NBPF14: variants seen among roughly 807,000 people sequenced by gnomAD.
The protein encoded by NBPF14 is NBPF member 14, also known as NBPF family member NBPF14.
A neutral mutation model predicts 91.2 loss-of-function variants in NBPF14; 104 were observed. The ratio of observed to expected loss-of-function variants is 1.14; its 90% CI spans 0.97 to 1.34. The LOEUF is 1.34. Ranked by LOEUF, NBPF14 falls within the 40% of genes most tolerant of loss-of-function variation. The pLI is 0.00. For missense variants in NBPF14, 908 were observed against 783.0 expected, an observed-to-expected ratio of 1.16 and a Z score of -1.91; for synonymous variants, 294 against 303.8, an observed-to-expected ratio of 0.97 and a Z score of 0.34.
Position 148,595,251 on chromosome 1 carries a change from A to C in NBPF14, c.175+292T>G, listed in dbSNP as rs1476513008. Among the ~76,000 whole-genome samples the C allele has an allele frequency of 6.2e-3, 920 of 148,170 alleles. 78 individuals carry two copies. Among genetic ancestry groups the C allele is most frequent in the African/African-American group, 0.022 (880 of 40,242 alleles). On this transcript the variant is annotated intron_variant, in intron 2 of 70. Transcript: ENST00000619423. ...TTATATGGTACAGAGAGGATTCTTG[A>C]AAACACGATTGAGCCCCTTGGAGAA...
At chr1:148,593,780 G>A in intron 2 of NBPF14, 80 bp from the exon 3 acceptor site, 3 of 1,077,584 alleles carry the variant, frequency 2.8e-6, no homozygotes, top group Non-Finnish European at 4.2e-6. Flanking sequence ...CAGGAGCCAG[G>A]TCCATCCCAA....
intron 70 of NBPF14, 120 bp downstream of exon 70, chr1:148,533,741 G>A: frequency 1.3e-6 from 1 of 752,668 alleles, no homozygotes. Context: ...CAACAGCAAT[G>A]ACAGTAGGAG....
Position 148,534,265 on chromosome 1 carries a change from C to A in NBPF14, c.8615-296G>T, listed in dbSNP as rs1384380985. 5.6e-3 allele frequency among the ~76,000 whole-genome samples: 848 copies of A among 151,818 alleles called. 5 individuals are homozygous for A. Among genetic ancestry groups the A allele is most frequent in the African/African-American group, 0.02 (810 of 41,334 alleles). On this transcript the variant is annotated intron_variant, in intron 69 of 70. Coordinates refer to ENST00000619423, the Ensembl canonical transcript of NBPF14. Reference sequence around the variant, plus strand: ...TTCCAATCAACGTAAAGCAAATACCCTCAATGATTTCTAGGAGAAAAACTG... The same window carrying A: ...TTCCAATCAACGTAAAGCAAATACCATCAATGATTTCTAGGAGAAAAACTG...
chr1:148,571,274 CAG>C (rs1217747589), intron 22 of NBPF14, among the ~76,000 whole-genome samples: 19 of 58,282 alleles, frequency 3.3e-4, no homozygotes, highest in South Asian at 6.1e-4. Flanking sequence ...CACACACACA[CAG>C]AGAGAGAGAG....
chr1:148,534,324 T>A (rs1654503296), intron 69 of NBPF14, among the ~76,000 whole-genome samples: 1 of 151,808 alleles, frequency 6.6e-6, no homozygotes, highest in Non-Finnish European at 1.5e-5. Context: ...AATACTCAGA[T>A]TGTTCATGGT....
chr1:148,587,244 T>G, intron 8 of NBPF14, 57 bp downstream of exon 8: 1 of 1,434,618 alleles, frequency 7.0e-7, no homozygotes, highest in Non-Finnish European at 9.8e-7. Context: ...ACTGAGCTGC[T>G]GTACTTCAGA....
At chr1:148,554,887 G>C (rs1656481542) in intron 43 of NBPF14, among the ~76,000 whole-genome samples, 193 bp downstream of exon 43, 1 of 147,502 alleles carries the variant, frequency 6.8e-6, no homozygotes, top group Non-Finnish European at 1.5e-5. Context: ...ACTAGGAAGA[G>C]AGCCTTGCTC....
chr1:148,593,480 C>G, intron 3 of NBPF14, 118 bp downstream of exon 3: 1 of 661,544 alleles, frequency 1.5e-6, no homozygotes, highest in East Asian at 2.7e-5. Flanking sequence ...ATGAGCCTGC[C>G]ATGGCAATTT....
intron 70 of NBPF14, 130 bp downstream of exon 70, chr1:148,533,731 C>G (rs1553331705): frequency 2.7e-6 from 2 of 741,486 alleles, no homozygotes; most frequent in Non-Finnish European, 4.9e-6. Context: ...CAATGAAAAC[C>G]AACAGCAATG....
chr1:148,559,928 C>T, exon 37 of NBPF14: 1 of 1,364,512 alleles, frequency 7.3e-7, no homozygotes, highest in South Asian at 1.3e-5. Flanking sequence ...TCCTGCAAGA[C>T]TTCAGGCCCT....
At position 148,559,821 on chromosome 1, in the gene NBPF14, C is replaced by A. The variant is rs1184906136; in HGVS notation, c.4701G>T (p.Gln1567His). ...CCATGTCAACAGCCAAGCCAACACG[C>A]TGCTGCTCCAATATGTAAAAGGCAC... The change falls in exon 37 of 71, where the codon CAG (glutamine) becomes CAT (histidine). Residue 1567 changes from glutamine to histidine, a missense_variant. Physicochemically the swap from Gln to His is conservative, Grantham distance 24. Around this residue, in one of 13 missense-constraint regions of NBPF14, gnomAD observed 447 missense variants for 189.1 expected, o/e 2.36. Transcript: ENST00000619423. The A allele has an allele frequency of 3.3e-5, 51 of 1,535,646 alleles. 10 individuals are homozygous for A. In the East Asian group the frequency reaches 1.2e-3, roughly 37 times the overall value.
intron 68 of NBPF14, 43 bp downstream of exon 68, chr1:148,535,410 G>C (rs1362197831): frequency 4.0e-6 from 2 of 505,430 alleles, no homozygotes; most frequent in Middle Eastern, 1.1e-3. Context: ...GGCATCTCCA[G>C]GTGTCAACAC....
rs1160743616 is a variant in NBPF14 at position 148,534,985 on chromosome 1, G to A, written c.8442-129C>T. 2.8e-3 allele frequency: 2,017 copies of A among 723,460 alleles called. 16 individuals carry two copies. The highest frequency in any genetic ancestry group is 9.2e-3 in the Middle Eastern group (25 of 2,730). 44.8% of individuals were successfully genotyped at this position (723,460 alleles called of 1,614,324 possible). On this transcript the variant is annotated intron_variant, in intron 68 of 70. Transcript: ENST00000619423. ...AGGACAGATCCATTAATGAGGTAACGAATTATTGCCTTTATGTTGGGATAG... is the reference window on the plus strand; with the variant it reads ...AGGACAGATCCATTAATGAGGTAACAAATTATTGCCTTTATGTTGGGATAG...
rs1161173267 is a variant in NBPF14, at chr1:148,559,924, A to T, written c.4598T>A (p.Leu1533Ter). 9 of 1,350,756 alleles carry T rather than the reference A, an allele frequency of 6.7e-6. No individual in the cohort carries two copies. The highest frequency in any genetic ancestry group is 9.2e-6 in the Non-Finnish European group (9 of 977,726). 83.7% of individuals were successfully genotyped at this position (1,350,756 alleles called of 1,614,324 possible). A position where few individuals can be genotyped will look rare whatever the true frequency, so the allele number is the denominator to read the frequency against. The change falls in exon 37 of 71, where the codon TTG becomes TAG. Residue 1533 changes from leucine to a stop codon, truncating the protein, a stop_gained. Transcript: ENST00000619423. LOFTEE classifies it high-confidence loss of function. ...ATAACATCTATCCAGTGAGTCCTGCAAGACTTCAGGCCCTTTCTCATGCAG... is the reference window on the plus strand; with the variant it reads ...ATAACATCTATCCAGTGAGTCCTGCTAGACTTCAGGCCCTTTCTCATGCAG...
intron 8 of NBPF14, among the ~76,000 whole-genome samples, 153 bp downstream of exon 8, chr1:148,587,148 C>G (rs1389710863): frequency 6.7e-6 from 1 of 148,772 alleles, no homozygotes; most frequent in Non-Finnish European, 1.5e-5. Context: ...TACTATCCTT[C>G]TTCTCTGATA....
chr1:148,578,950 A>T, intron 13 of NBPF14, 124 bp downstream of exon 13: 2 of 681,892 alleles, frequency 2.9e-6, no homozygotes. Context: ...ATCTACATTG[A>T]TATATAGGTT....
At chr1:148,533,484 C>G (rs1405117940) in intron 70 of NBPF14, among the ~76,000 whole-genome samples, 31 of 150,894 alleles carry the variant, frequency 2.1e-4, no homozygotes, top group African/African-American at 6.4e-4. Context: ...GAGAAAGTGA[C>G]CTAGTGAATT....
intron 68 of NBPF14, 31 bp from the exon 69 acceptor site, chr1:148,534,887 C>T: frequency 5.5e-6 from 4 of 732,514 alleles, no homozygotes; most frequent in South Asian, 2.9e-5. Context: ...AAAGAATAAG[C>T]CAGGGGGAAT....
intron 69 of NBPF14, 112 bp downstream of exon 69, chr1:148,534,572 C>T (rs1299503272): frequency 3.8e-6 from 3 of 790,982 alleles, no homozygotes; most frequent in South Asian, 2.7e-5. Context: ...CCCATAGGTC[C>T]TGCCTGCGGC....
Sources: gnomAD v4.1 joint callset for allele counts (sites outside exome capture counted in the v4.1 genomes callset) on GRCh38, gnomAD v4.1.1 for gene constraint, gnomAD v4.1.1 regional missense constraint, MANE v1.5 for transcripts, NCBI Gene and HGNC (gene_info 2026-07-23, HGNC 2026-07-21) for gene names.